The following OTOGL variants were observed in gnomAD, a reference collection of about 807,000 sequenced individuals.
OTOGL encodes the protein otogelin like, also known as otogelin-like protein.
OTOGL carries 285 observed loss-of-function variants against 318.5 expected under a neutral mutation model. That is an observed-to-expected ratio of 0.89 (90% CI 0.81 to 0.99). The LOEUF (loss-of-function observed/expected upper bound fraction) is 0.99. Ranked by LOEUF, OTOGL falls within the 50% of genes least tolerant of loss-of-function variation. The pLI is 0.00. For missense variants in OTOGL, 2,899 were observed against 2,845.6 expected (o/e 1.02, Z -0.43); for synonymous variants, 987 against 936.5 (o/e 1.05, Z -0.99).
intron 1 of OTOGL, among the ~76,000 whole-genome samples, chr12:80,156,330 T>TTGC: frequency 6.6e-6 from 1 of 152,344 alleles, no homozygotes; most frequent in East Asian, 1.9e-4. Context: ...ACTGGCTTCC[T>TTGC]TGCTTCTCAG....
intron 27 of OTOGL, among the ~76,000 whole-genome samples, chr12:80,297,697 C>T (rs997484505): frequency 1.3e-4 from 20 of 152,122 alleles, no homozygotes; most frequent in African/African-American, 4.1e-4. Context: ...CTTTGAGATG[C>T]CTTCCCACTG....
chr12:80,328,161 T>C (rs557370257), intron 35 of OTOGL, among the ~76,000 whole-genome samples: 2 of 150,966 alleles, frequency 1.3e-5, no homozygotes, highest in Non-Finnish European at 3.0e-5. Context: ...TACAAAAAAA[T>C]AGAAAAAATT....
At chr12:80,342,277 T>C (rs1888830802) in intron 44 of OTOGL, 115 bp downstream of exon 44, 7 of 739,642 alleles carry the variant, frequency 9.5e-6, no homozygotes, top group African/African-American at 1.8e-5. Context: ...ACCCCCAACC[T>C]TCTGTCAGTA....
chr12:80,119,939 T>C (rs561200008), intron 1 of OTOGL, among the ~76,000 whole-genome samples: 1 of 152,334 alleles, frequency 6.6e-6, no homozygotes, highest in East Asian at 1.9e-4. Flanking sequence ...AATTTTTTCA[T>C]CAGTTGTCTT....
intron 35 of OTOGL, among the ~76,000 whole-genome samples, chr12:80,326,605 A>G (rs1245766626): frequency 2.6e-5 from 4 of 152,236 alleles, no homozygotes; most frequent in Admixed American, 6.5e-5. Flanking sequence ...CTTGTCTGTC[A>G]GTGATCCAGT....
chr12:80,329,055 A>T lies in OTOGL; in HGVS notation c.4284A>T (p.Ile1428=). The change falls in exon 37 of 59, where the codon ATA becomes ATT. Residue 1428 remains isoleucine, a synonymous_variant. Transcript: ENST00000547103. ...TLKCVYPRDC[I]PVIPTEPTLM... is the part of the protein sequence containing the mutation. ...AGCACCTTTGTTTCTTTGTAGGTAT[A>T]CCTGTGATTCCCACAGAACCAACAT... 6.3e-7 allele frequency: 1 copy of T among 1,584,168 alleles called. No homozygotes were observed.
chr12:80,163,215 A>G (rs895568816), intron 1 of OTOGL, among the ~76,000 whole-genome samples: 3 of 152,120 alleles, frequency 2.0e-5, no homozygotes, highest in African/African-American at 7.2e-5. Flanking sequence ...AGTTGTTCTT[A>G]TGCCCAACAT....
chr12:80,359,015 T>G, intron 52 of OTOGL, 115 bp downstream of exon 52: 2 of 840,190 alleles, frequency 2.4e-6, no homozygotes, highest in Non-Finnish European at 3.6e-6. Context: ...CACATTAAAT[T>G]GTACTAAAGT....
chr12:80,319,178 G>A (rs1887168257), intron 33 of OTOGL, among the ~76,000 whole-genome samples: 1 of 152,128 alleles, frequency 6.6e-6, no homozygotes, highest in Non-Finnish European at 1.5e-5. Context: ...TGCCTTGTCT[G>A]TCCTAGTTCC....
At chr12:80,309,596 C>T (rs1886493494) in intron 29 of OTOGL, among the ~76,000 whole-genome samples, 2 of 152,110 alleles carry the variant, frequency 1.3e-5, no homozygotes. Flanking sequence ...TATAATCCAG[C>T]TAGAAATATT....
At chr12:80,146,030 C>T (rs1405144451) in intron 1 of OTOGL, among the ~76,000 whole-genome samples, 1 of 151,130 alleles carries the variant, frequency 6.6e-6, no homozygotes, top group African/African-American at 2.5e-5. Context: ...TCCTCTTTTC[C>T]TATTTGAATA....
intron 58 of OTOGL, among the ~76,000 whole-genome samples, chr12:80,377,560 A>G (rs950574698): frequency 1.3e-5 from 2 of 152,182 alleles, no homozygotes; most frequent in African/African-American, 4.8e-5. Flanking sequence ...GACACAGGTT[A>G]CAATAGATTA....
At chr12:80,353,791 A>G (rs1202954291) in intron 46 of OTOGL, among the ~76,000 whole-genome samples, 3 of 152,218 alleles carry the variant, frequency 2.0e-5, no homozygotes, top group African/African-American at 7.2e-5. Context: ...ACTGAACTCA[A>G]AATCAACTTA....
At position 80,108,936 on chromosome 12, in the gene OTOGL, G is replaced by GTGTATATATATA. The variant is rs1555268621; in HGVS notation, c.-20+9332_-20+9333insGTATATATATAT. 9.7e-4 allele frequency among the ~76,000 whole-genome samples: 124 copies of GTGTATATATATA among 128,216 alleles called. 3 individuals carry two copies. Among genetic ancestry groups the GTGTATATATATA allele is most frequent in the African/African-American group, 3.8e-3 (120 of 31,256 alleles). 84.1% of individuals were successfully genotyped at this position (128,216 alleles called of 152,430 possible). ...TATATGTGTATATATATATGTGTGT[G>GTGTATATATATA]TATATATATATATATATACACACAC... On this transcript the variant is annotated intron_variant, in intron 1 of 58. Transcript: ENST00000547103.
In OTOGL at chr12:80,337,153, T is replaced by C. The variant is rs1390538486; in HGVS notation, c.4860+149T>C. On this transcript the variant is annotated intron_variant, in intron 42 of 58. Coordinates refer to ENST00000547103, the MANE Select transcript of OTOGL (RefSeq NM_001378609.3). ...TTTCATAGACAATATAAAATGTGTT[T>C]CTTAATATTATATTTGTCTCTCAAT... 4.5e-6 allele frequency: 3 copies of C among 671,184 alleles called. No individual in the cohort carries two copies. The East Asian group carries it at 8.3e-5, about 19-fold the overall frequency. The allele number at this position is 671,184 out of a possible 1,614,324, so 41.6% of individuals were successfully genotyped here.
At chr12:80,221,032 C>T (rs916396883) in intron 6 of OTOGL, among the ~76,000 whole-genome samples, 1 of 151,948 alleles carries the variant, frequency 6.6e-6, no homozygotes, top group Non-Finnish European at 1.5e-5. Flanking sequence ...CCTTTATGCC[C>T]CCCACCCAGA....
intron 44 of OTOGL, among the ~76,000 whole-genome samples, chr12:80,347,475 C>T (rs1034415788): frequency 5.9e-5 from 9 of 152,142 alleles, no homozygotes; most frequent in Non-Finnish European, 8.8e-5. Flanking sequence ...ATGAATTCAT[C>T]CTTTTTTATG....
chr12:80,329,573 G>C (rs945173827), intron 37 of OTOGL, among the ~76,000 whole-genome samples: 1 of 152,112 alleles, frequency 6.6e-6, no homozygotes, highest in Non-Finnish European at 1.5e-5. Context: ...TTTCTTTATT[G>C]CTTCCATTTC....
chr12:80,208,890 A>T (rs1877018755), intron 1 of OTOGL, among the ~76,000 whole-genome samples: 1 of 152,218 alleles, frequency 6.6e-6, no homozygotes, highest in Non-Finnish European at 1.5e-5. Flanking sequence ...AGATGCACAT[A>T]GTTTTAGTGT....
Sources: allele counts gnomAD v4.1 joint callset (sites outside exome capture counted in the v4.1 genomes callset), GRCh38; gene constraint gnomAD v4.1.1; transcripts MANE v1.5; gene names NCBI Gene and HGNC (gene_info 2026-07-23, HGNC 2026-07-21).